Variants in PXYLP1 observed in about 807,000 individuals in gnomAD.
PXYLP1 encodes 2-phosphoxylose phosphatase 1.
In PXYLP1, 17 loss-of-function variants were observed where a neutral mutation model predicts 37.9. The ratio of observed to expected loss-of-function variants is 0.45; its 90% CI spans 0.31 to 0.67. The LOEUF (loss-of-function observed/expected upper bound fraction) is 0.67. Among genes scored for constraint, PXYLP1 ranks in the 30% least tolerant of loss-of-function variants. The probability of loss-of-function intolerance (pLI) is 0.07; values close to 1 mark genes in which losing one functional copy is unlikely to be tolerated. For missense variants in PXYLP1, 511 were observed against 612.0 expected (o/e 0.84, Z 1.74); for synonymous variants, 221 against 232.2 (o/e 0.95, Z 0.44).
chr3:141,268,074 C>T lies in PXYLP1; in HGVS notation c.79+7820C>T, dbSNP rs531249138. 1.5e-4 allele frequency among the ~76,000 whole-genome samples: 23 copies of T among 152,062 alleles called. No individual in the cohort carries two copies. The South Asian group carries it at 4.2e-3, about 27-fold the overall frequency. On this transcript the variant is annotated intron_variant, in intron 2 of 5. Coordinates refer to ENST00000286353, the MANE Select transcript of PXYLP1 (RefSeq NM_001037172.3). Reference sequence around the variant, plus strand: ...GTGTACAACAGTAAATACCCCATTACCTCATGATCACATAGACCTGTCTCT... The same window carrying T: ...GTGTACAACAGTAAATACCCCATTATCTCATGATCACATAGACCTGTCTCT...
intron 5 of PXYLP1, among the ~76,000 whole-genome samples, chr3:141,288,703 G>T (rs1203294555): frequency 6.6e-6 from 1 of 152,188 alleles, no homozygotes; most frequent in Admixed American, 6.5e-5. Context: ...AGAGCAGTCT[G>T]AGCAACATAG....
chr3:141,271,607 C>G (rs1241101992), intron 2 of PXYLP1, among the ~76,000 whole-genome samples: 3 of 152,178 alleles, frequency 2.0e-5, no homozygotes, highest in African/African-American at 7.2e-5. Context: ...CCGGGAAACT[C>G]TGGGTCCCTG....
At chr3:141,278,297 G>T (rs759779900) in intron 2 of PXYLP1, 45 bp from the exon 3 acceptor site, 38 of 1,608,972 alleles carry the variant, frequency 2.4e-5, no homozygotes, top group Non-Finnish European at 3.1e-5. Context: ...AGCTGGCCTG[G>T]CGCCCCAGGA....
intron 1 of PXYLP1, among the ~76,000 whole-genome samples, chr3:141,251,494 C>T (rs773037317): frequency 9.2e-5 from 14 of 152,236 alleles, no homozygotes; most frequent in Non-Finnish European, 1.5e-4. Flanking sequence ...AATATTCTCT[C>T]TAGCTGGATG....
At position 141,292,198 on chromosome 3, in the gene PXYLP1, A is replaced by T; in HGVS notation, c.506-70A>T. The T allele has an allele frequency of 6.9e-7, 1 of 1,445,150 alleles. No homozygotes were observed. The highest frequency in any genetic ancestry group is 9.4e-7 in the Non-Finnish European group (1 of 1,067,402). 89.5% of individuals were successfully genotyped at this position (1,445,150 alleles called of 1,614,324 possible). ...TAAAACACTCCAGAGCCACACGCTG[A>T]CTCCACCTCCCCTTGCTGTTTCTTT... On this transcript the variant is annotated intron_variant, in intron 5 of 5. Transcript: ENST00000286353. The surrounding 1 kb of genome is among the most constrained non-coding windows in gnomAD (Gnocchi z 4.3).
intron 1 of PXYLP1, among the ~76,000 whole-genome samples, chr3:141,253,202 G>A (rs1038019237): frequency 1.3e-5 from 2 of 152,140 alleles, no homozygotes; most frequent in African/African-American, 4.8e-5. Context: ...TCCCACTGAT[G>A]GTAGGACACC....
rs767834288 is a variant in PXYLP1 at position 141,292,463 on chromosome 3, A to G, written c.701A>G (p.His234Arg). 6.2e-7 allele frequency: 1 copy of G among 1,614,216 alleles called. No individual in the cohort carries two copies. The highest frequency in any genetic ancestry group is 1.1e-5 in the South Asian group (1 of 91,078). Reference sequence around the variant, plus strand: ...GACTGGAAGAAGATTTATTTCAGGCACCAGCCAAGTGCGCTGTTCTGCTCT... The same window carrying G: ...GACTGGAAGAAGATTTATTTCAGGCGCCAGCCAAGTGCGCTGTTCTGCTCT... The part of the protein sequence containing the change: ...DFDWKKIYFR[H>R]QPSALFCSGS... Residue 234 changes from histidine to arginine, a missense_variant, in exon 6 of 6, where the codon CAC becomes CGC. Physicochemically the swap from His to Arg is conservative, Grantham distance 29. Transcript: ENST00000286353. The surrounding 1 kb of genome is among the most constrained non-coding windows in gnomAD (Gnocchi z 4.3).
At chr3:141,258,507 C>G (rs1428530631) in intron 1 of PXYLP1, 2 of 153,026 alleles carry the variant, frequency 1.3e-5, no homozygotes, top group African/African-American at 4.8e-5. Context: ...TATTCACAAG[C>G]ACATTCAAGA....
chr3:141,272,478 C>G (rs1201741246), intron 2 of PXYLP1, among the ~76,000 whole-genome samples: 1 of 152,216 alleles, frequency 6.6e-6, no homozygotes, highest in Non-Finnish European at 1.5e-5. Context: ...GTGTTCGCTA[C>G]TAACCCAAGT....
At chr3:141,262,585 A>C (rs1012151662) in intron 2 of PXYLP1, 23 of 1,423,192 alleles carry the variant, frequency 1.6e-5, no homozygotes, top group Non-Finnish European at 2.0e-5. Context: ...GTTTTAGGAA[A>C]GCCAATTTTC....
At chr3:141,239,564 T>C (rs1380738619) in intron 1 of PXYLP1, among the ~76,000 whole-genome samples, 12 of 152,338 alleles carry the variant, frequency 7.9e-5, no homozygotes, top group African/African-American at 2.9e-4. Context: ...GCTGATTATC[T>C]TGAAACAGCT....
intron 1 of PXYLP1, among the ~76,000 whole-genome samples, chr3:141,242,635 T>A (rs1167211609): frequency 6.6e-6 from 1 of 152,220 alleles, no homozygotes; most frequent in African/African-American, 2.4e-5. Flanking sequence ...AAGGGCTGAA[T>A]GAACTGCACT....
chr3:141,286,563 G>C lies in PXYLP1; in HGVS notation c.366-751G>C, dbSNP rs139523702. Among the ~76,000 whole-genome samples the C allele has an allele frequency of 3.1e-3, 472 of 152,284 alleles. 1 individual carries two copies. Among genetic ancestry groups the C allele is most frequent in the Middle Eastern group, 0.014 (4 of 294 alleles). ...GAAGTGTTGAAGAATGAGGTGCGTT[G>C]TGTGTTGGAGGAAAGAAGGCCTTTG... On this transcript the variant is annotated intron_variant, in intron 4 of 5. Coordinates refer to ENST00000286353, the MANE Select transcript of PXYLP1 (RefSeq NM_001037172.3).
intron 2 of PXYLP1, among the ~76,000 whole-genome samples, chr3:141,269,591 TG>T (rs1941611926): frequency 1.3e-5 from 2 of 152,310 alleles, no homozygotes; most frequent in South Asian, 4.1e-4. Context: ...CATTGTCCCA[TG>T]GGGTTTCAGG....
intron 2 of PXYLP1, chr3:141,273,069 A>G (rs1164570823): frequency 2.0e-6 from 2 of 985,316 alleles, no homozygotes; most frequent in Non-Finnish European, 2.4e-6. Flanking sequence ...CAGTGAGTGC[A>G]GGGGGCCCCG....
chr3:141,257,174 T>C (rs193214464), intron 1 of PXYLP1, among the ~76,000 whole-genome samples: 23 of 152,350 alleles, frequency 1.5e-4, no homozygotes, highest in African/African-American at 5.0e-4. Context: ...ATTTCCCATT[T>C]ATTGTATCAG....
At chr3:141,278,150 A>G (rs1941841778) in intron 2 of PXYLP1, among the ~76,000 whole-genome samples, 192 bp from the exon 3 acceptor site, 1 of 152,178 alleles carries the variant, frequency 6.6e-6, no homozygotes, top group Admixed American at 6.5e-5. Flanking sequence ...AGTGGCAGTG[A>G]CGAAGGGGCA....
chr3:141,254,028 C>T (rs890049099), intron 1 of PXYLP1, among the ~76,000 whole-genome samples: 3 of 152,094 alleles, frequency 2.0e-5, no homozygotes, highest in Non-Finnish European at 4.4e-5. Flanking sequence ...TCTCATGCCT[C>T]AGCCTCTTGA....
intron 1 of PXYLP1, among the ~76,000 whole-genome samples, chr3:141,248,618 T>C (rs111402376): frequency 1.9e-4 from 19 of 100,812 alleles, no homozygotes; most frequent in East Asian, 4.0e-4. Flanking sequence ...CACGTATATA[T>C]ACACACACGT....
Sources: allele counts gnomAD v4.1 joint callset (sites outside exome capture counted in the v4.1 genomes callset), GRCh38; gene constraint gnomAD v4.1.1; non-coding constraint Gnocchi (gnomAD v3.1); transcripts MANE v1.5; gene names NCBI Gene and HGNC (gene_info 2026-07-23, HGNC 2026-07-21).